Variants in GUCY1A2 observed in about 807,000 individuals in gnomAD.
The protein encoded by GUCY1A2 is guanylate cyclase soluble subunit alpha-2.
In GUCY1A2, 27 loss-of-function variants were observed where a neutral mutation model predicts 63.5. The observed-to-expected ratio is 0.43, with a 90% confidence interval of 0.31 to 0.59. GUCY1A2 has a LOEUF of 0.59. Ranked by LOEUF, GUCY1A2 falls within the 20% of genes least tolerant of loss-of-function variation. The pLI is 0.11. For missense variants in GUCY1A2, 768 were observed against 913.3 expected, an observed-to-expected ratio of 0.84 and a Z score of 2.05; for synonymous variants, 364 against 343.5, an observed-to-expected ratio of 1.06 and a Z score of -0.66.
intron 3 of GUCY1A2, among the ~76,000 whole-genome samples, chr11:106,948,070 G>T (rs1194463210): frequency 2.0e-5 from 3 of 152,126 alleles, no homozygotes; most frequent in Non-Finnish European, 4.4e-5. Flanking sequence ...ATGGAAATGG[G>T]TAAGTATCTG....
At chr11:106,850,793 T>C (rs1473500967) in intron 4 of GUCY1A2, among the ~76,000 whole-genome samples, 1 of 151,926 alleles carries the variant, frequency 6.6e-6, no homozygotes, top group Non-Finnish European at 1.5e-5. Flanking sequence ...AATCGTGCTG[T>C]AATAAACATG....
At chr11:106,880,340 C>T (rs112458821) in intron 4 of GUCY1A2, among the ~76,000 whole-genome samples, 199 of 152,056 alleles carry the variant, frequency 1.3e-3, no homozygotes, top group African/African-American at 4.2e-3. Flanking sequence ...ATGGTTGCCA[C>T]GTGAAGGTTG....
intron 5 of GUCY1A2, among the ~76,000 whole-genome samples, chr11:106,779,228 G>A (rs891991849): frequency 5.3e-5 from 8 of 152,056 alleles, no homozygotes; most frequent in Non-Finnish European, 7.4e-5. Context: ...CCAGAAAAAT[G>A]AAAATAAAAT....
intron 4 of GUCY1A2, among the ~76,000 whole-genome samples, chr11:106,830,331 G>A (rs1366680593): frequency 6.6e-6 from 1 of 152,076 alleles, no homozygotes; most frequent in Admixed American, 6.5e-5. Flanking sequence ...GATGTGTATG[G>A]GTTCAAGTTG....
chr11:106,827,428 C>CTTG, intron 4 of GUCY1A2: 1 of 1,467,972 alleles, frequency 6.8e-7, no homozygotes, highest in Non-Finnish European at 9.6e-7. Context: ...TGCGATACCA[C>CTTG]CGTTCCCTAA....
intron 5 of GUCY1A2, among the ~76,000 whole-genome samples, chr11:106,792,952 G>A (rs766544755): frequency 1.5e-4 from 23 of 152,142 alleles, no homozygotes; most frequent in South Asian, 8.3e-4. Flanking sequence ...CATAAAACCC[G>A]AAGTGATTAC....
intron 2 of GUCY1A2, 113 bp downstream of exon 2, chr11:106,985,957 C>T (rs2120139368): frequency 1.4e-6 from 1 of 705,204 alleles, no homozygotes; most frequent in South Asian, 1.7e-5. Context: ...GAAAACATAG[C>T]CACTATAAAA....
In GUCY1A2 at chr11:106,780,244, G is replaced by C. The variant is rs561705228; in HGVS notation, c.1693-3662C>G. 4.6e-5 allele frequency among the ~76,000 whole-genome samples: 7 copies of C among 152,048 alleles called. No individual in the cohort carries two copies. The South Asian group carries it at 1.5e-3, about 32-fold the overall frequency. The stretch of plus-strand genomic sequence containing the variant: ...TAGAAACAATAGGACCAAAGAGGTA[G>C]GGAAGACACAGACATCAAAAAAACA... On this transcript the variant is annotated intron_variant, in intron 5 of 7. Transcript: ENST00000526355.
intron 6 of GUCY1A2, among the ~76,000 whole-genome samples, chr11:106,763,720 G>T (rs1382660370): frequency 6.6e-6 from 1 of 152,034 alleles, no homozygotes; most frequent in Non-Finnish European, 1.5e-5. Flanking sequence ...TTAGTATTTG[G>T]CACTCATGCA....
At chr11:106,966,187 A>T (rs1010277158) in intron 3 of GUCY1A2, among the ~76,000 whole-genome samples, 7 of 152,028 alleles carry the variant, frequency 4.6e-5, no homozygotes, top group African/African-American at 1.7e-4. Context: ...GGCTCACTAC[A>T]ACCTCTGCCT....
chr11:106,804,605 CGAA>C (rs143814367), intron 5 of GUCY1A2, among the ~76,000 whole-genome samples: 4,018 of 152,092 alleles, frequency 0.026, 161 homozygotes, highest in African/African-American at 0.091. Context: ...GAAGGTCCAG[CGAA>C]GAAGAGAGGG....
At chr11:106,785,281 G>A (rs1354771381) in intron 5 of GUCY1A2, among the ~76,000 whole-genome samples, 3 of 151,986 alleles carry the variant, frequency 2.0e-5, no homozygotes, top group African/African-American at 7.3e-5. Context: ...CTGAGTATAC[G>A]ACTTTTTCAG....
intron 3 of GUCY1A2, among the ~76,000 whole-genome samples, chr11:106,940,913 A>C (rs1458395901): frequency 6.6e-6 from 1 of 152,184 alleles, no homozygotes; most frequent in Admixed American, 6.5e-5. Flanking sequence ...CCATATTATC[A>C]TCTTACTTCT....
chr11:106,952,643 G>A (rs1016232338), intron 3 of GUCY1A2, among the ~76,000 whole-genome samples: 1 of 142,298 alleles, frequency 7.0e-6, no homozygotes, highest in Non-Finnish European at 1.6e-5. Flanking sequence ...TGTGGGCTGA[G>A]ATGATGAGGG....
chr11:106,916,870 A>G (rs1267833081), intron 4 of GUCY1A2, among the ~76,000 whole-genome samples: 1 of 145,918 alleles, frequency 6.9e-6, no homozygotes, highest in African/African-American at 2.4e-5. Context: ...TTATCATGAT[A>G]TAAAAAATTA....
At chr11:106,751,773 T>C (rs1344615017) in intron 6 of GUCY1A2, among the ~76,000 whole-genome samples, 3 of 152,162 alleles carry the variant, frequency 2.0e-5, no homozygotes, top group Non-Finnish European at 4.4e-5. Context: ...TTTAGTACCT[T>C]GTATTAAGCA....
intron 7 of GUCY1A2, among the ~76,000 whole-genome samples, chr11:106,702,702 G>GT (rs759882609): frequency 0.25 from 36,299 of 147,178 alleles, 4,525 homozygotes; most frequent in Middle Eastern, 0.32. Context: ...AATTTATATG[G>GT]TTTTTTTTTT....
At chr11:106,830,805 T>C (rs1859040579) in intron 4 of GUCY1A2, among the ~76,000 whole-genome samples, 1 of 152,170 alleles carries the variant, frequency 6.6e-6, no homozygotes, top group African/African-American at 2.4e-5. Context: ...ACTAGTACAA[T>C]GAAGTTTAAA....
intron 1 of GUCY1A2, among the ~76,000 whole-genome samples, chr11:107,006,141 CAAG>C (rs1286144522): frequency 3.9e-5 from 6 of 152,142 alleles, no homozygotes; most frequent in African/African-American, 9.7e-5. Context: ...CCCAAGATAA[CAAG>C]AAGAGTTTGC....
Sources: allele counts gnomAD v4.1 joint callset (sites outside exome capture counted in the v4.1 genomes callset), GRCh38; gene constraint gnomAD v4.1.1; transcripts MANE v1.5; gene names NCBI Gene and HGNC (gene_info 2026-07-23, HGNC 2026-07-21).